Variants in MFF observed in about 807,000 individuals in gnomAD.
MFF encodes mitochondrial fission factor.
Under a neutral mutation model 36.9 loss-of-function variants are expected in MFF, and 12 were observed. That is an observed-to-expected ratio of 0.33 (90% CI 0.21 to 0.53). The LOEUF is 0.53. Among genes scored for constraint, MFF ranks in the 20% least tolerant of loss-of-function variants. The pLI is 0.95. For missense variants in MFF, 348 were observed against 366.6 expected (o/e 0.95, Z 0.42); for synonymous variants, 99 against 126.2 (o/e 0.78, Z 1.44).
chr2:227,332,261 C>T (rs960358469), intron 3 of MFF, among the ~76,000 whole-genome samples, 158 bp from the exon 4 acceptor site: 3 of 151,958 alleles, frequency 2.0e-5, no homozygotes, highest in Admixed American at 6.6e-5. Context: ...CGTGAGCCAC[C>T]GCGCCCGGCC....
chr2:227,326,427 T>G (rs1200660415), intron 1 of MFF, among the ~76,000 whole-genome samples: 1 of 152,166 alleles, frequency 6.6e-6, no homozygotes, highest in Non-Finnish European at 1.5e-5. Context: ...TTAGTTATAC[T>G]TAGTAGTCTT....
At position 227,340,357 on chromosome 2, in the gene MFF, A is replaced by G; in HGVS notation, c.417A>G (p.Gly139=). 6.2e-7 allele frequency: 1 copy of G among 1,613,874 alleles called. No individual in the cohort carries two copies. The highest frequency in any genetic ancestry group is 8.5e-7 in the Non-Finnish European group (1 of 1,179,798). Residue 139 remains glycine (G), a synonymous_variant, in exon 5 of 9, where the codon GGA becomes GGG. Transcript: ENST00000304593. ...SMSENAVRQN[G]QLVRNDSLVT... ...GTGAAAATGCTGTTCGCCAAAATGG[A>G]CAGCTGGTCAGAAATGATTCTCTGT... is the stretch of plus-strand genomic sequence containing the variant.
At position 227,357,368 on chromosome 2, in the gene MFF, A is replaced by G. The variant is rs938002208; in HGVS notation, c.*251A>G. The G allele has an allele frequency of 1.3e-5, 4 of 318,104 alleles. No homozygotes were observed. The highest frequency in any genetic ancestry group is 2.3e-5 in the Non-Finnish European group (4 of 174,624). The allele number at this position is 318,104 out of a possible 1,614,324, so 19.7% of individuals were successfully genotyped here. A position where few individuals can be genotyped will look rare whatever the true frequency, so the allele number is the denominator to read the frequency against. ...AAAATTCTCCCTTTGCATGTTTTGTAAATAGGCTCCAGTTTTGTTTTTTAA... is the reference window on the plus strand; with the variant it reads ...AAAATTCTCCCTTTGCATGTTTTGTGAATAGGCTCCAGTTTTGTTTTTTAA... On this transcript the variant is annotated 3_prime_UTR_variant, in exon 9 of 9. Transcript: ENST00000304593.
chr2:227,331,646 C>T (rs1010087006), intron 3 of MFF, among the ~76,000 whole-genome samples: 5 of 152,216 alleles, frequency 3.3e-5, no homozygotes, highest in African/African-American at 1.2e-4. Flanking sequence ...GCTCCACATC[C>T]TTGCCAACAT....
At chr2:227,338,987 G>A (rs919066803) in intron 4 of MFF, among the ~76,000 whole-genome samples, 1 of 151,858 alleles carries the variant, frequency 6.6e-6, no homozygotes, top group Non-Finnish European at 1.5e-5. Context: ...CAGAACACTT[G>A]AGCTCAGGAG....
chr2:227,328,251 G>A (rs902680247), intron 1 of MFF, among the ~76,000 whole-genome samples: 2 of 127,782 alleles, frequency 1.6e-5, no homozygotes, highest in Non-Finnish European at 1.6e-5. Flanking sequence ...TATGCCTGTA[G>A]TCCCAGCTAT....
At position 227,356,882 on chromosome 2, in the gene MFF, A is replaced by C. The variant is rs1051390077; in HGVS notation, c.745-104A>C. 3 of 885,012 alleles carry C rather than the reference A, an allele frequency of 3.4e-6. No individual in the cohort carries two copies. In the Admixed American group the frequency reaches 7.3e-5, roughly 21 times the overall value. 54.8% of individuals were successfully genotyped at this position (885,012 alleles called of 1,614,324 possible). ...TGAAACTTTCCATGTTTGTAATAAT[A>C]CTTTTGTTGACAAATTATTATACTA... On this transcript the variant is annotated intron_variant, in intron 8 of 8. Transcript: ENST00000304593.
intron 4 of MFF, among the ~76,000 whole-genome samples, chr2:227,333,434 A>G (rs952238308): frequency 6.6e-6 from 1 of 152,204 alleles, no homozygotes; most frequent in Non-Finnish European, 1.5e-5. Context: ...AAAAGCACTA[A>G]ATCTGAGCCT....
At chr2:227,349,284 T>C (rs2075870887) in intron 6 of MFF, among the ~76,000 whole-genome samples, 1 of 151,944 alleles carries the variant, frequency 6.6e-6, no homozygotes, top group African/African-American at 2.4e-5. Flanking sequence ...TCCTCCATAA[T>C]GGAAAAAAAA....
chr2:227,346,151 A>G (rs2075699834), intron 5 of MFF: 1 of 166,622 alleles, frequency 6.0e-6, no homozygotes, highest in Non-Finnish European at 1.5e-5. Context: ...ACATGCTGTT[A>G]GAAAAGATTA....
At chr2:227,355,429 A>G (rs2076208842) in intron 7 of MFF, 1 of 255,470 alleles carries the variant, frequency 3.9e-6, no homozygotes, top group Non-Finnish European at 7.4e-6. Context: ...GTGTTTCTTT[A>G]GTCAGGATTT....
rs781439237 is a variant in MFF at position 227,332,490 on chromosome 2, C to T, written c.253C>T (p.Leu85=). ...TATTCAGTCAACTCCCTTTAAACCCCTGGCACTGAAAACACCACCTCGTGT... is the reference window on the plus strand; with the variant it reads ...TATTCAGTCAACTCCCTTTAAACCCTTGGCACTGAAAACACCACCTCGTGT... ...DLIQSTPFKP[L]ALKTPPRVLT... Residue 85 remains leucine (L), a synonymous_variant, in exon 4 of 9, where the codon CTG becomes TTG. Coordinates refer to ENST00000304593, the MANE Select transcript of MFF (RefSeq NM_001277062.2). 3.3e-5 allele frequency: 53 copies of T among 1,613,644 alleles called. No individual in the cohort carries two copies. The highest frequency in any genetic ancestry group is 2.2e-4 in the Admixed American group (13 of 59,974).
chr2:227,332,651 C>A, intron 4 of MFF, 63 bp downstream of exon 4: 3 of 1,307,840 alleles, frequency 2.3e-6, no homozygotes, highest in Non-Finnish European at 3.2e-6. Flanking sequence ...AAGAGAAGAG[C>A]AAAGAGGCTT....
chr2:227,330,839 T>C lies in MFF; in HGVS notation c.174T>C (p.Val58=), dbSNP rs779791039. 4 of 1,613,592 alleles carry C rather than the reference T, an allele frequency of 2.5e-6. No individual in the cohort carries two copies. The East Asian group carries it at 8.9e-5, about 36-fold the overall frequency. The change falls in exon 3 of 9, where the codon GTT becomes GTC. Residue 58 remains valine (V), a synonymous_variant. Transcript: ENST00000304593. ...SVIMQVPERI[V]VAGNNEDVSF... ...TAATGCAAGTTCCGGAGAGGATTGTTGTAGCAGGTATTTCACCTTTACTTA... is the reference window on the plus strand; with the variant it reads ...TAATGCAAGTTCCGGAGAGGATTGTCGTAGCAGGTATTTCACCTTTACTTA...
chr2:227,338,806 G>A (rs1048994702), intron 4 of MFF, among the ~76,000 whole-genome samples: 7 of 151,208 alleles, frequency 4.6e-5, no homozygotes, highest in South Asian at 2.1e-4. Flanking sequence ...CTGCATTGCA[G>A]CCTGGGCGAC....
intron 5 of MFF, among the ~76,000 whole-genome samples, chr2:227,345,826 T>TG (rs1359013673): frequency 2.0e-5 from 3 of 152,220 alleles, no homozygotes; most frequent in African/African-American, 7.2e-5. Flanking sequence ...TTAAGGTCAC[T>TG]GGTCATGAGA....
At chr2:227,353,739 T>C (rs1305054163) in intron 7 of MFF, among the ~76,000 whole-genome samples, 1 of 152,198 alleles carries the variant, frequency 6.6e-6, no homozygotes, top group Non-Finnish European at 1.5e-5. Context: ...TTTTGTCATA[T>C]CCTTATATTT....
At chr2:227,331,796 G>T (rs1448007992) in intron 3 of MFF, among the ~76,000 whole-genome samples, 1 of 151,978 alleles carries the variant, frequency 6.6e-6, no homozygotes, top group Non-Finnish European at 1.5e-5. Context: ...TATATTTGTT[G>T]TGAAGTATCT....
In MFF at chr2:227,347,202, C is replaced by A. The variant is rs200224846; in HGVS notation, c.441-24C>A. ...AATCTGACTTGAGTGTTTTTCTCTT[C>A]ATTTGCTGTGCTTGTGTAAACAGTG... On this transcript the variant is annotated intron_variant, in intron 5 of 8. Coordinates refer to ENST00000304593, the MANE Select transcript of MFF (RefSeq NM_001277062.2). The A allele has an allele frequency of 1.9e-3, 3,061 of 1,598,940 alleles. 5 individuals carry two copies. The highest frequency in any genetic ancestry group is 2.5e-3 in the Non-Finnish European group (2,869 of 1,169,198).
Sources: gnomAD v4.1 joint callset for allele counts (sites outside exome capture counted in the v4.1 genomes callset) on GRCh38, gnomAD v4.1.1 for gene constraint, MANE v1.5 for transcripts, NCBI Gene and HGNC (gene_info 2026-07-23, HGNC 2026-07-21) for gene names.